The following AFG3L2 variants were observed in gnomAD, a reference collection of about 807,000 sequenced individuals.
AFG3L2 encodes the protein AFG3 like matrix AAA peptidase subunit 2, also known as mitochondrial inner membrane m-AAA protease component AFG3L2.
AFG3L2 carries 54 observed loss-of-function variants against 94.5 expected under a neutral mutation model. The observed-to-expected ratio is 0.57, with a 90% CI of 0.46 to 0.72. The LOEUF (loss-of-function observed/expected upper bound fraction) is 0.72. Ranked by LOEUF, AFG3L2 falls within the 30% of genes least tolerant of loss-of-function variation. The pLI is 0.00. For synonymous variants in AFG3L2, 377 were observed against 365.5 expected (o/e 1.03, Z -0.36); for missense variants, 754 against 994.9 (o/e 0.76, Z 3.26).
chr18:12,351,369 G>T lies in AFG3L2; in HGVS notation c.1363C>A (p.Arg455=). The T allele has an allele frequency of 6.2e-7, 1 of 1,614,126 alleles. No homozygotes were observed. Among genetic ancestry groups the T allele is most frequent in the South Asian group, 1.1e-5 (1 of 91,074 alleles). The change falls in exon 11 of 17, where the codon CGA becomes AGA. Residue 455 remains arginine (R), a synonymous_variant. Transcript: ENST00000269143. ...AGCGCGGGGTCCAGGATATCTGGTC[G>T]ATTGGTGCCGGCCAAAATGACGACA... ...TNVVILAGTN[R]PDILDPALLR... is the part of the protein sequence containing the mutation.
Position 12,329,748 on chromosome 18 carries a change from A to G in AFG3L2, c.2211T>C (p.Asp737=). ...ALLLLEKEVL[D]KNDMVELLGP... is the part of the protein sequence containing the mutation. The stretch of plus-strand genomic sequence containing the variant: ...CCAAAAGTTCAACCATATCATTCTT[A>G]TCTAATACTTCTTTTTCTAACAACA... Residue 737 remains aspartate (D), a synonymous_variant, in exon 17 of 17, where the codon GAT becomes GAC. Coordinates refer to ENST00000269143, the MANE Select transcript of AFG3L2 (RefSeq NM_006796.3). 3 of 1,614,200 alleles carry G rather than the reference A, an allele frequency of 1.9e-6. No individual in the cohort carries two copies. The South Asian group carries it at 3.3e-5, about 18-fold the overall frequency.
intron 16 of AFG3L2, among the ~76,000 whole-genome samples, chr18:12,334,546 A>C (rs546935940): frequency 1.3e-5 from 2 of 152,210 alleles, no homozygotes; most frequent in South Asian, 4.2e-4. Flanking sequence ...GTTGAGACCA[A>C]ACCGTTTATC....
At chr18:12,351,726 T>C (rs1908325288) in intron 10 of AFG3L2, among the ~76,000 whole-genome samples, 1 of 152,070 alleles carries the variant, frequency 6.6e-6, no homozygotes, top group African/African-American at 2.4e-5. Context: ...TTTGTATTTT[T>C]AGTAGAGATA....
intron 14 of AFG3L2, chr18:12,343,855 A>C (rs1908034218): frequency 1.9e-6 from 1 of 514,104 alleles, no homozygotes. Flanking sequence ...ACAGGCTCCC[A>C]GTTCAAACCC....
chr18:12,355,475 G>C (rs1429980310), intron 9 of AFG3L2, among the ~76,000 whole-genome samples: 1 of 152,148 alleles, frequency 6.6e-6, no homozygotes, highest in Non-Finnish European at 1.5e-5. Context: ...ATTGCTGGTA[G>C]GGATGGAAAA....
Position 12,348,351 on chromosome 18 carries a change from C to G in AFG3L2, c.1585G>C (p.Ala529Pro). The change falls in exon 13 of 17, where the codon GCG (alanine) becomes CCG (proline). Residue 529 changes from alanine to proline, a missense_variant. Around this residue, in one of 4 missense-constraint regions of AFG3L2, gnomAD observed 279 missense variants for 378.6 expected, o/e 0.74. Transcript: ENST00000269143. ...GACAGATGCCTTGCAGCAATCAACG[C>G]AGCTTCATTACAGACATTAGCAACA... is the stretch of plus-strand genomic sequence containing the variant. The part of the protein sequence containing the change: ...ADVANVCNEA[A>P]LIAARHLSDS... 6.2e-7 allele frequency: 1 copy of G among 1,614,158 alleles called. No individual in the cohort carries two copies.
At chr18:12,371,524 G>A (rs994359785) in intron 2 of AFG3L2, 68 bp downstream of exon 2, 3 of 1,270,512 alleles carry the variant, frequency 2.4e-6, no homozygotes, top group Admixed American at 3.4e-5. Flanking sequence ...CAGGGGAATG[G>A]GTTACAGAAG....
chr18:12,355,652 C>G (rs149334048), intron 9 of AFG3L2, among the ~76,000 whole-genome samples: 1 of 151,692 alleles, frequency 6.6e-6, no homozygotes, highest in East Asian at 1.9e-4. Context: ...GGGTAGTTTG[C>G]TTAGGACTCC....
Position 12,377,151 on chromosome 18 carries a change from G to T in AFG3L2, c.-69C>A. 8.3e-7 allele frequency: 1 copy of T among 1,210,628 alleles called. No individual in the cohort carries two copies. Among genetic ancestry groups the T allele is most frequent in the Admixed American group, 3.0e-5 (1 of 33,680 alleles). The allele number at this position is 1,210,628 out of a possible 1,614,324, so 75.0% of individuals were successfully genotyped here. ...CGGGCAGGCGACGACTGGCGGCCTC[G>T]GGAAGCGGGCTCGGCTCGGGGAAAG... On this transcript the variant is annotated 5_prime_UTR_variant, in exon 1 of 17. Coordinates refer to ENST00000269143, the MANE Select transcript of AFG3L2 (RefSeq NM_006796.3).
rs1178682668 is a variant in AFG3L2, at chr18:12,340,419, G to A, written c.1780-18C>T. 3 of 1,580,868 alleles carry A rather than the reference G, an allele frequency of 1.9e-6. No individual in the cohort carries two copies. The highest frequency in any genetic ancestry group is 1.3e-5 in the African/African-American group (1 of 74,264). ...ATGGATACCTGGTAAGTAGAAAACA[G>A]TGTTGAAGATCCTACTACAGATGAA... On this transcript the variant is annotated intron_variant, in intron 14 of 16. Transcript: ENST00000269143.
rs760102437 is a variant in AFG3L2 at position 12,351,439 on chromosome 18, C to T, written c.1319-26G>A. ...CTGAAAGATAACAAAAATGCAAACA[C>T]TATTAAATGACAAGAGGCAGAAAGC... On this transcript the variant is annotated intron_variant, in intron 10 of 16. Coordinates refer to ENST00000269143, the MANE Select transcript of AFG3L2 (RefSeq NM_006796.3). 2.5e-6 allele frequency: 4 copies of T among 1,602,174 alleles called. No individual in the cohort carries two copies. In the South Asian group the frequency reaches 3.3e-5, roughly 13 times the overall value.
At chr18:12,335,340 A>G (rs1907707199) in intron 16 of AFG3L2, among the ~76,000 whole-genome samples, 1 of 152,200 alleles carries the variant, frequency 6.6e-6, no homozygotes, top group Non-Finnish European at 1.5e-5. Context: ...TGCATGCGTA[A>G]CTGACATCCC....
chr18:12,344,336 C>G, intron 13 of AFG3L2, 89 bp from the exon 14 acceptor site: 2 of 1,115,936 alleles, frequency 1.8e-6, no homozygotes, highest in South Asian at 2.5e-5. Flanking sequence ...CATTGCCTTA[C>G]CTAAAATGGG....
At chr18:12,356,273 T>C (rs1568141529) in intron 9 of AFG3L2, among the ~76,000 whole-genome samples, 1 of 151,934 alleles carries the variant, frequency 6.6e-6, no homozygotes, top group Non-Finnish European at 1.5e-5. Context: ...TGCCTCAGCC[T>C]CCGAAATAGC....
At chr18:12,366,768 G>A in intron 5 of AFG3L2, among the ~76,000 whole-genome samples, 197 bp downstream of exon 5, 1 of 152,228 alleles carries the variant, frequency 6.6e-6, no homozygotes, top group East Asian at 1.9e-4. Context: ...AAAAGAATTT[G>A]TGGGTAAATT....
At chr18:12,337,615 C>A in intron 15 of AFG3L2, 80 bp from the exon 16 acceptor site, 1 of 1,367,584 alleles carries the variant, frequency 7.3e-7, no homozygotes, top group Non-Finnish European at 1.0e-6. Context: ...CTGGAGCCGG[C>A]TAAAGTGCAC....
rs1178773058 is a variant in AFG3L2, at chr18:12,367,329, C to T, written c.346G>A (p.Gly116Arg). Residue 116 changes from glycine (G) to arginine (R), a missense_variant, in exon 4 of 17, where the codon GGA (glycine) becomes AGA (arginine). Physicochemically the swap from Gly to Arg is moderately radical, Grantham distance 125. Around this residue, in one of 4 missense-constraint regions of AFG3L2, gnomAD observed 236 missense variants for 214.0 expected, o/e 1.10. Transcript: ENST00000269143. ...TCATCTTTCTTGCCACCTCGTTTTC[C>T]ACCGCCACCACCTCCTCCTCCAGAA... ...RSSGGGGGGGGKRGGKKDDSH... is the reference protein window; with the variant it reads ...RSSGGGGGGGRKRGGKKDDSH... 1.4e-5 allele frequency: 22 copies of T among 1,614,084 alleles called. No individual in the cohort carries two copies. Among genetic ancestry groups the T allele is most frequent in the Middle Eastern group, 1.6e-4 (1 of 6,084 alleles).
chr18:12,343,655 A>G (rs1908026859), intron 14 of AFG3L2: 1 of 180,234 alleles, frequency 5.5e-6, no homozygotes, highest in Admixed American at 5.4e-5. Flanking sequence ...TGTCGGCCTG[A>G]GATTTGGGCA....
At chr18:12,352,913 C>A in intron 10 of AFG3L2, 92 bp downstream of exon 10, 1 of 1,567,918 alleles carries the variant, frequency 6.4e-7, no homozygotes, top group Non-Finnish European at 8.7e-7. Context: ...CGAAATCACA[C>A]CACTCACTTC....
Sources: allele counts gnomAD v4.1 joint callset (sites outside exome capture counted in the v4.1 genomes callset), GRCh38; gene constraint gnomAD v4.1.1; regional missense constraint gnomAD v4.1.1; transcripts MANE v1.5; gene names NCBI Gene and HGNC (gene_info 2026-07-23, HGNC 2026-07-21).